Variants in TTN observed in about 807,000 individuals in gnomAD.
TTN encodes titin, also known as connectin.
TTN carries 1,525 observed loss-of-function variants against 3,223.0 expected under a neutral mutation model. That is an observed-to-expected ratio of 0.47 (90% CI 0.45 to 0.49). TTN has a LOEUF of 0.49. Ranked by LOEUF, TTN falls within the 20% of genes least tolerant of loss-of-function variation. The probability of loss-of-function intolerance (pLI) is 0.00; values close to 1 mark genes in which losing one functional copy is unlikely to be tolerated. For missense variants in TTN, 40,786 were observed against 43,424.0 expected, an observed-to-expected ratio of 0.94 and a Z score of 5.40; for synonymous variants, 14,094 against 15,161.0, an observed-to-expected ratio of 0.93 and a Z score of 5.17.
chr2:178,667,102 G>A, intron 162 of TTN, 134 bp downstream of exon 162: 1 of 941,638 alleles, frequency 1.1e-6, no homozygotes. Flanking sequence ...ATTCTTTGTT[G>A]TGGGTATATC....
At chr2:178,691,116 G>A (rs1243046151) in intron 121 of TTN, among the ~76,000 whole-genome samples, 3 of 152,140 alleles carry the variant, frequency 2.0e-5, no homozygotes, top group African/African-American at 7.2e-5. Flanking sequence ...AAGAGTTTGA[G>A]AAAGAGAGAA....
At chr2:178,767,002 C>T (rs2090560195) in intron 40 of TTN, among the ~76,000 whole-genome samples, 1 of 152,056 alleles carries the variant, frequency 6.6e-6, no homozygotes, top group African/African-American at 2.4e-5. Flanking sequence ...ACTTTGTGGG[C>T]TAGGTAGGAA....
intron 149 of TTN, 30 bp from the exon 150 acceptor site, chr2:178,675,143 T>A: frequency 6.9e-7 from 1 of 1,448,878 alleles, no homozygotes; most frequent in Non-Finnish European, 9.3e-7. Context: ...TTTAGACACT[T>A]AAAATGCAAG....
Position 178,572,195 on chromosome 2 carries a change from C to T in TTN, c.73937G>A (p.Ser24646Asn), listed in dbSNP as rs370902028. 84 of 1,613,318 alleles carry T rather than the reference C, an allele frequency of 5.2e-5. No individual in the cohort carries two copies. Among genetic ancestry groups the T allele is most frequent in the Non-Finnish European group, 4.1e-5 (48 of 1,179,620 alleles). The stretch of plus-strand genomic sequence containing the variant: ...CTCCACAATGTAGCCTAGAATTCGG[C>T]TGCCTCCATCATGCTCTGGTTTCTC... ...SWEKPEHDGG[S>N]RILGYIVEMQ... The change falls in exon 326 of 363, where the codon AGC becomes AAC. Residue 24646 changes from serine to asparagine, a missense_variant. Ser to Asn is a conservative substitution (Grantham distance 46, BLOSUM62 1). Transcript: ENST00000589042.
At chr2:178,675,811 G>T in intron 148 of TTN, 57 bp from the exon 149 acceptor site, 1 of 1,523,642 alleles carries the variant, frequency 6.6e-7, no homozygotes, top group East Asian at 2.4e-5. Flanking sequence ...AAGACAAGTA[G>T]ACACAGCAGT....
At position 178,537,692 on chromosome 2, in the gene TTN, G is replaced by C; in HGVS notation, c.99515C>G (p.Thr33172Ser). Reference sequence around the variant, plus strand: ...TCCAACCTCATTGGTGGCTATGCAGGTATAAACACCTTCATCTTCCTGTTC... The same window carrying C: ...TCCAACCTCATTGGTGGCTATGCAGCTATAAACACCTTCATCTTCCTGTTC... ...TEEQEDEGVY[T>S]CIATNEVGEV... Residue 33172 changes from threonine (T) to serine (S), a missense_variant, in exon 355 of 363, where the codon ACC becomes AGC. Physicochemically the swap from Thr to Ser is moderately conservative, Grantham distance 58 (BLOSUM62 1). Coordinates refer to ENST00000589042, the MANE Select transcript of TTN (RefSeq NM_001267550.2). 6.2e-7 allele frequency: 1 copy of C among 1,613,752 alleles called. No individual in the cohort carries two copies. Among genetic ancestry groups the C allele is most frequent in the Non-Finnish European group, 8.5e-7 (1 of 1,179,774 alleles).
Position 178,582,203 on chromosome 2 carries a change from G to A in TTN, c.66166C>T (p.Pro22056Ser), listed in dbSNP as rs2047924833. ...ATAACAGGAGGATCACAGCGTCCTG[G>A]TGGGTCTGCAGAAATTGATTGAAAA... ...PAIAKNPYDP[P>S]GRCDPPVISN... The change falls in exon 315 of 363, where the codon CCA (proline) becomes TCA (serine). Residue 22056 changes from proline (P) to serine (S), a missense_variant. Transcript: ENST00000589042. 2 of 1,603,748 alleles carry A rather than the reference G, an allele frequency of 1.2e-6. No homozygotes were observed. Among genetic ancestry groups the A allele is most frequent in the East Asian group, 4.5e-5 (2 of 44,646 alleles).
At chr2:178,677,323 C>A in intron 146 of TTN, 36 bp from the exon 147 acceptor site, 1 of 742,404 alleles carries the variant, frequency 1.3e-6, no homozygotes, top group South Asian at 8.7e-5. Context: ...TTAAAAACCA[C>A]ATATACATGG....
Position 178,567,152 on chromosome 2 carries a change from C to A in TTN, c.78980G>T (p.Arg26327Leu). Residue 26327 changes from arginine (R) to leucine (L), a missense_variant, in exon 326 of 363, where the codon CGA becomes CTA. Physicochemically the swap from Arg to Leu is moderately radical, Grantham distance 102. Coordinates refer to ENST00000589042, the MANE Select transcript of TTN (RefSeq NM_001267550.2). ...AGTCCAGGCAAGTCGACTGGTTTCT[C>A]GCTTTTCAACAACATAGTGAGAAAT... ...SDISHYVVEKRETSRLAWTVV... is the reference protein window; with the variant it reads ...SDISHYVVEKLETSRLAWTVV... 1 of 1,613,494 alleles carries A rather than the reference C, an allele frequency of 6.2e-7. No homozygotes were observed. Among genetic ancestry groups the A allele is most frequent in the South Asian group, 1.1e-5 (1 of 91,066 alleles).
rs267599035 is a variant in TTN at position 178,564,559 on chromosome 2, C to G, written c.81573G>C (p.Trp27191Cys). 6.2e-7 allele frequency: 1 copy of G among 1,613,378 alleles called. No homozygotes were observed. The highest frequency in any genetic ancestry group is 8.5e-7 in the Non-Finnish European group (1 of 1,179,656). Residue 27191 changes from tryptophan (W) to cysteine (C), a missense_variant, in exon 326 of 363, where the codon TGG (tryptophan) becomes TGC (cysteine). Physicochemically the swap from Trp to Cys is radical, Grantham distance 215. Transcript: ENST00000589042. ...TACCACCATCATAGGCAGGTTTCTT[C>G]CATTTCAGTGTGACATTGTTTCTTG... ...VITRNNVTLK[W>C]KKPAYDGGSK...
Position 178,549,163 on chromosome 2 carries a change from T to A in TTN, c.92463A>T (p.Pro30821=). 1 of 1,613,814 alleles carries A rather than the reference T, an allele frequency of 6.2e-7. No homozygotes were observed. The highest frequency in any genetic ancestry group is 8.5e-7 in the Non-Finnish European group (1 of 1,179,822). ...CTTTGACCACTGTGGGAGGACCTGG[T>A]GGGTTGACGGGCTCTCTACATTTAA... ...RLIKCREPVN[P]PGPPTVVKVT... Residue 30821 remains proline (P), a synonymous_variant, in exon 339 of 363, where the codon CCA becomes CCT. Transcript: ENST00000589042.
At chr2:178,698,782 G>C in intron 112 of TTN, 61 bp downstream of exon 112, 1 of 1,466,072 alleles carries the variant, frequency 6.8e-7, no homozygotes, top group Non-Finnish European at 9.2e-7. Flanking sequence ...CCACTGTTTA[G>C]AATTTAAAAG....
rs764904720 is a variant in TTN, at chr2:178,551,816, C to G, written c.91084G>C (p.Glu30362Gln). The change falls in exon 335 of 363, where the codon GAA (glutamate) becomes CAA (glutamine). Residue 30362 changes from glutamate to glutamine, a missense_variant. Coordinates refer to ENST00000589042, the MANE Select transcript of TTN (RefSeq NM_001267550.2). ...AGGATGCTATTTCTTTCTTTCTTTT[C>G]AACATGGAATCCAGTAACTTCTGAA... is the stretch of plus-strand genomic sequence containing the variant. The part of the protein sequence containing the change: ...GGSEVTGFHV[E>Q]KKERNSILWQ... The G allele has an allele frequency of 1.1e-5, 17 of 1,613,686 alleles. No individual in the cohort carries two copies. Among genetic ancestry groups the G allele is most frequent in the Non-Finnish European group, 8.5e-7 (1 of 1,179,804 alleles).
chr2:178,605,467 A>C lies in TTN; in HGVS notation c.53828T>G (p.Ile17943Ser). 6.2e-7 allele frequency: 1 copy of C among 1,611,760 alleles called. No homozygotes were observed. The highest frequency in any genetic ancestry group is 8.5e-7 in the Non-Finnish European group (1 of 1,178,578). Residue 17943 changes from isoleucine (I) to serine (S), a missense_variant, in exon 279 of 363, where the codon ATT becomes AGT. Transcript: ENST00000589042. Reference sequence around the variant, plus strand: ...AGGTAGGGATGGTTCACTTTCACCAATTTCATTGACAGCTTTGACACGGAA... The same window carrying C: ...AGGTAGGGATGGTTCACTTTCACCACTTTCATTGACAGCTTTGACACGGAA... ...YEFRVKAVNE[I>S]GESEPSLPLN... is the part of the protein sequence containing the mutation.
chr2:178,675,800 A>C, intron 148 of TTN, 46 bp from the exon 149 acceptor site: 1 of 1,522,330 alleles, frequency 6.6e-7, no homozygotes, highest in Non-Finnish European at 8.9e-7. Context: ...TCACACACAC[A>C]AAGACAAGTA....
rs2154174180 is a variant in TTN at position 178,577,974 on chromosome 2, A to G, written c.68527+14T>C. The G allele has an allele frequency of 6.2e-7, 1 of 1,601,766 alleles. No individual in the cohort carries two copies. The highest frequency in any genetic ancestry group is 2.2e-5 in the East Asian group (1 of 44,556). ...AAAACATGCACCTGGGTTTTTCTTC[A>G]TATAATGACTTACCAATTGGGTCCA... On this transcript the variant is annotated intron_variant, in intron 322 of 362. Coordinates refer to ENST00000589042, the MANE Select transcript of TTN (RefSeq NM_001267550.2).
In TTN at chr2:178,577,485, G is replaced by T. The variant is rs762272798; in HGVS notation, c.68850C>A (p.Pro22950=). 4.4e-6 allele frequency: 7 copies of T among 1,592,648 alleles called. No individual in the cohort carries two copies. The East Asian group carries it at 1.6e-4, about 36-fold the overall frequency. The change falls in exon 324 of 363, where the codon CCC becomes CCA. Residue 22950 remains proline (P), a synonymous_variant. Coordinates refer to ENST00000589042, the MANE Select transcript of TTN (RefSeq NM_001267550.2). ...TAATTGTTAGCCCATCTTTTATTGT[G>T]GGATCAAGGACAATTGTTGGTGCCT... is the stretch of plus-strand genomic sequence containing the variant. ...EYEAPTIVLD[P]TIKDGLTIKA...
chr2:178,640,818 A>G (rs1576804300), intron 220 of TTN, among the ~76,000 whole-genome samples, 188 bp from the exon 221 acceptor site: 1 of 151,634 alleles, frequency 6.6e-6, no homozygotes, highest in African/African-American at 2.4e-5. Flanking sequence ...TATTCCATCC[A>G]CTTATCTTCC....
chr2:178,688,963 C>G (rs1191494794), intron 125 of TTN, 90 bp downstream of exon 125: 5 of 1,372,308 alleles, frequency 3.6e-6, no homozygotes, highest in Non-Finnish European at 4.1e-6. Context: ...AGTATAAGCA[C>G]AGACCAGATG....
Sources: allele counts gnomAD v4.1 joint callset (sites outside exome capture counted in the v4.1 genomes callset), GRCh38; gene constraint gnomAD v4.1.1; transcripts MANE v1.5; gene names NCBI Gene and HGNC (gene_info 2026-07-23, HGNC 2026-07-21).